The following SNX8 variants were observed in gnomAD, a reference collection of about 807,000 sequenced individuals.
The protein encoded by SNX8 is sorting nexin 8, also known as sorting nexin-8.
Under a neutral mutation model 51.6 loss-of-function variants are expected in SNX8, and 25 were observed. That is an observed-to-expected ratio of 0.48 (90% CI 0.35 to 0.68). The LOEUF (loss-of-function observed/expected upper bound fraction) is 0.68, where lower values mean the gene tolerates loss of function less well. SNX8 is among the 30% of genes least tolerant of loss of function. SNX8 has a pLI of 0.00. For missense variants in SNX8, 695 were observed against 624.0 expected, an observed-to-expected ratio of 1.11 and a Z score of -1.21; for synonymous variants, 324 against 277.0, an observed-to-expected ratio of 1.17 and a Z score of -1.68.
At chr7:2,257,225 T>A (rs1722357882) in intron 9 of SNX8, 140 bp downstream of exon 9, 1 of 1,182,418 alleles carries the variant, frequency 8.5e-7, no homozygotes, top group Admixed American at 2.5e-5. Flanking sequence ...GCGGGCCAGC[T>A]CCCTGCCTCC....
intron 1 of SNX8, among the ~76,000 whole-genome samples, chr7:2,280,817 G>C (rs1488018277): frequency 7.5e-6 from 1 of 133,560 alleles, no homozygotes; most frequent in Non-Finnish European, 1.5e-5. Context: ...TTGAGAGACA[G>C]AGTCTCGCTC....
chr7:2,258,755 G>C (rs1479483564), intron 7 of SNX8, among the ~76,000 whole-genome samples: 4 of 152,176 alleles, frequency 2.6e-5, no homozygotes, highest in Admixed American at 1.3e-4. Flanking sequence ...CTCGGCGGTG[G>C]GGGCAGCGGT....
At chr7:2,312,507 G>A (rs185222160) in intron 1 of SNX8, among the ~76,000 whole-genome samples, 9 of 152,192 alleles carry the variant, frequency 5.9e-5, no homozygotes, top group East Asian at 3.9e-4. Context: ...GAACTATCAC[G>A]TGCCTCCCCT....
At chr7:2,300,009 A>G (rs1796357384) in intron 1 of SNX8, among the ~76,000 whole-genome samples, 1 of 152,228 alleles carries the variant, frequency 6.6e-6, no homozygotes, top group African/African-American at 2.4e-5. Context: ...GTAGACAACA[A>G]GGAACGCAAT....
At chr7:2,313,165 C>A (rs1179014818) in intron 1 of SNX8, among the ~76,000 whole-genome samples, 2 of 152,002 alleles carry the variant, frequency 1.3e-5, no homozygotes, top group African/African-American at 4.8e-5. Context: ...TCCCAAAGTG[C>A]TGAGATTACA....
chr7:2,265,449 G>C (rs1795441976), intron 5 of SNX8, among the ~76,000 whole-genome samples: 1 of 152,128 alleles, frequency 6.6e-6, no homozygotes, highest in Admixed American at 6.6e-5. Flanking sequence ...TTTAAGAACA[G>C]CCTGGGCAAC....
chr7:2,298,438 C>T (rs1394862986), intron 1 of SNX8, among the ~76,000 whole-genome samples: 2 of 151,998 alleles, frequency 1.3e-5, no homozygotes, highest in African/African-American at 2.4e-5. Context: ...GGTGCAATCT[C>T]GGCTCTCTGC....
At chr7:2,305,967 C>T (rs903896614) in intron 1 of SNX8, among the ~76,000 whole-genome samples, 1 of 152,094 alleles carries the variant, frequency 6.6e-6, no homozygotes, top group Non-Finnish European at 1.5e-5. Flanking sequence ...CTTCTGGTTG[C>T]ATCCCTGACA....
chr7:2,263,642 C>G (rs564025642), intron 6 of SNX8, among the ~76,000 whole-genome samples: 25 of 152,146 alleles, frequency 1.6e-4, no homozygotes, highest in Admixed American at 8.5e-4. Flanking sequence ...AGCAGAGTCC[C>G]GGGTGGGGTC....
At chr7:2,256,364 G>A (rs970850342) in intron 10 of SNX8, among the ~76,000 whole-genome samples, 1 of 152,176 alleles carries the variant, frequency 6.6e-6, no homozygotes, top group Non-Finnish European at 1.5e-5. Flanking sequence ...AATTTCAGCC[G>A]GGCACAAGGT....
chr7:2,302,899 C>T (rs1363492610), intron 1 of SNX8, among the ~76,000 whole-genome samples: 5 of 150,050 alleles, frequency 3.3e-5, no homozygotes, highest in East Asian at 2.0e-4. Flanking sequence ...GGAGCCCCTC[C>T]GCCCGGCAGC....
intron 1 of SNX8, among the ~76,000 whole-genome samples, chr7:2,285,211 CAAAAAAA>C (rs58401507): frequency 2.8e-5 from 2 of 70,954 alleles, no homozygotes; most frequent in African/African-American, 1.3e-4. Context: ...GACTCCGTCT[CAAAAAAA>C]AAAAAAAAAA....
chr7:2,293,907 A>C (rs7797577), intron 1 of SNX8, among the ~76,000 whole-genome samples: 10 of 151,300 alleles, frequency 6.6e-5, no homozygotes, highest in African/African-American at 2.4e-5. Flanking sequence ...GGGAGGTTGC[A>C]GTGAGCCGAG....
At chr7:2,268,539 G>T in intron 5 of SNX8, among the ~76,000 whole-genome samples, 1 of 147,144 alleles carries the variant, frequency 6.8e-6, no homozygotes, top group Non-Finnish European at 1.5e-5. Flanking sequence ...GTGCCATCCG[G>T]GAGGGAGGTG....
chr7:2,267,527 C>T (rs1162092321), intron 5 of SNX8, among the ~76,000 whole-genome samples: 6 of 131,156 alleles, frequency 4.6e-5, no homozygotes, highest in East Asian at 2.2e-4. Context: ...TTGGCCGGGC[C>T]GGTCTCCAGC....
chr7:2,300,923 G>A (rs1278703793), intron 1 of SNX8, among the ~76,000 whole-genome samples: 4 of 152,104 alleles, frequency 2.6e-5, no homozygotes, highest in Admixed American at 2.0e-4. Context: ...GATTACAGGC[G>A]TGAGTCACTG....
At chr7:2,300,952 G>A (rs952769757) in intron 1 of SNX8, among the ~76,000 whole-genome samples, 1 of 152,016 alleles carries the variant, frequency 6.6e-6, no homozygotes, top group Non-Finnish European at 1.5e-5. Context: ...CCCTGTTGTG[G>A]AGCTTAAACC....
intron 1 of SNX8, among the ~76,000 whole-genome samples, chr7:2,346,632 G>A (rs1779033008): frequency 6.7e-6 from 1 of 148,514 alleles, no homozygotes; most frequent in Admixed American, 7.0e-5. Flanking sequence ...TGTAGTCCCA[G>A]CTACTTGGGA....
At chr7:2,329,698 T>C (rs1025245088) in intron 1 of SNX8, among the ~76,000 whole-genome samples, 3 of 152,116 alleles carry the variant, frequency 2.0e-5, no homozygotes, top group African/African-American at 7.2e-5. Context: ...CCAAGAGGAC[T>C]GGGTGGTGGA....
Sources: allele counts gnomAD v4.1 joint callset (sites outside exome capture counted in the v4.1 genomes callset), GRCh38; gene constraint gnomAD v4.1.1; transcripts MANE v1.5; gene names NCBI Gene and HGNC (gene_info 2026-07-23, HGNC 2026-07-21).